CCR7: variants seen among roughly 807,000 people sequenced by gnomAD.
CCR7 encodes the protein C-C motif chemokine receptor 7, also known as C-C chemokine receptor type 7.
In CCR7, 11 loss-of-function variants were observed where a neutral mutation model predicts 26.0. That is an observed-to-expected ratio of 0.42 (90% confidence interval 0.27 to 0.70). CCR7 has a LOEUF of 0.70. CCR7 is among the 30% of genes least tolerant of loss of function. CCR7 has a pLI of 0.23. For synonymous variants in CCR7, 189 were observed against 202.1 expected, an observed-to-expected ratio of 0.94 and a Z score of 0.55; for missense variants, 360 against 504.0, an observed-to-expected ratio of 0.71 and a Z score of 2.74.
At chr17:40,559,153 C>A (rs2036626649) in intron 1 of CCR7, among the ~76,000 whole-genome samples, 1 of 152,214 alleles carries the variant, frequency 6.6e-6, no homozygotes, top group Admixed American at 6.5e-5. Context: ...TGTCCTCCTC[C>A]ACTCCCAGGT....
Position 40,565,405 on chromosome 17 carries a change from TC to T in CCR7, c.4del (p.Asp2ThrfsTer6). The T allele has an allele frequency of 2.5e-6, 4 of 1,613,484 alleles. No homozygotes were observed. The highest frequency in any genetic ancestry group is 3.4e-6 in the Non-Finnish European group (4 of 1,179,442). On this transcript the variant is annotated frameshift_variant, in exon 1 of 3. Coordinates refer to ENST00000246657, the MANE Select transcript of CCR7 (RefSeq NM_001838.4). LOFTEE classifies it high-confidence loss of function. Reference sequence around the variant, plus strand: ...ACATGAAGAGGCTCACTCACCCAGGTCCATGACGCTCTCTGGGCGGTAAAAC... The same window carrying T: ...ACATGAAGAGGCTCACTCACCCAGGTCATGACGCTCTCTGGGCGGTAAAAC... M[D>X]LGKPMKSVLV... is the part of the protein sequence containing the mutation.
At position 40,559,021 on chromosome 17, in the gene CCR7, C is replaced by A. The variant is rs561365689; in HGVS notation, c.11-79G>T. 111 of 1,211,730 alleles carry A rather than the reference C, an allele frequency of 9.2e-5. 1 individual carries two copies. The South Asian group carries it at 1.5e-3, about 16-fold the overall frequency. 75.1% of individuals were successfully genotyped at this position (1,211,730 alleles called of 1,614,324 possible). A position where few individuals can be genotyped will look rare whatever the true frequency, so the allele number is the denominator to read the frequency against. ...TTAAAGAAAGCAGTGGAGGGGGAGA[C>A]GCTGTTGGGAACTTTCCTCCCAAGC... On this transcript the variant is annotated intron_variant, in intron 1 of 2. Transcript: ENST00000246657.
At chr17:40,560,386 C>T (rs1206328501) in intron 1 of CCR7, among the ~76,000 whole-genome samples, 9 of 152,176 alleles carry the variant, frequency 5.9e-5, no homozygotes, top group Admixed American at 5.9e-4. Context: ...GTTTAAGGCA[C>T]CTTCTCCTGG....
At position 40,555,779 on chromosome 17, in the gene CCR7, C is replaced by T; in HGVS notation, c.100G>A (p.Gly34Arg). Residue 34 changes from glycine to arginine, a missense_variant, in exon 3 of 3, where the codon GGA (glycine) becomes AGA (arginine). By Grantham distance (125) the Gly-to-Arg change is moderately radical (BLOSUM62 -2). Coordinates refer to ENST00000246657, the MANE Select transcript of CCR7 (RefSeq NM_001838.4). The surrounding 1 kb of genome is among the most constrained non-coding windows in gnomAD (Gnocchi z 5.6). ...CQDEVTDDYI[G>R]DNTTVDYTLF... ...GTGTAGTCCACTGTGGTGTTGTCTCCGATGTAATCGTCCGTGACCTCATCT... is the reference window on the plus strand; with the variant it reads ...GTGTAGTCCACTGTGGTGTTGTCTCTGATGTAATCGTCCGTGACCTCATCT... The T allele has an allele frequency of 3.7e-6, 6 of 1,614,066 alleles. No individual in the cohort carries two copies. Among genetic ancestry groups the T allele is most frequent in the East Asian group, 2.2e-5 (1 of 44,884 alleles).
intron 2 of CCR7, among the ~76,000 whole-genome samples, chr17:40,558,429 AG>A (rs1309661376): frequency 6.6e-6 from 1 of 152,114 alleles, no homozygotes; most frequent in Non-Finnish European, 1.5e-5. Flanking sequence ...ATTTCACCAA[AG>A]AAAACGGGGG....
chr17:40,555,484 A>G lies in CCR7; in HGVS notation c.395T>C (p.Ile132Thr), dbSNP rs1350685141. 7 of 1,613,868 alleles carry G rather than the reference A, an allele frequency of 4.3e-6. No homozygotes were observed. The highest frequency in any genetic ancestry group is 5.9e-6 in the Non-Finnish European group (7 of 1,180,028). Reference protein sequence around the residue: ...WVFGVHFCKLIFAIYKMSFFS... With the variant: ...WVFGVHFCKLTFAIYKMSFFS... ...GAAGCTCATCTTGTAGATGGCAAAG[A>G]TGAGCTTGCAAAAGTGGACACCGAA... The change falls in exon 3 of 3, where the codon ATC becomes ACC. Residue 132 changes from isoleucine (I) to threonine (T), a missense_variant. Ile to Thr is a moderately conservative substitution (Grantham distance 89). Coordinates refer to ENST00000246657, the MANE Select transcript of CCR7 (RefSeq NM_001838.4). This position sits in a 1 kb window ranked among gnomAD's most constrained non-coding sequence, Gnocchi z 5.6.
intron 1 of CCR7, among the ~76,000 whole-genome samples, 191 bp from the exon 2 acceptor site, chr17:40,559,133 ACCT>A (rs1336026882): frequency 6.6e-6 from 1 of 151,912 alleles, no homozygotes; most frequent in Non-Finnish European, 1.5e-5. Flanking sequence ...CACTGTCCTC[ACCT>A]CCTTCTTGTC....
intron 2 of CCR7, among the ~76,000 whole-genome samples, chr17:40,557,559 G>A (rs2036604779): frequency 2.0e-5 from 3 of 152,154 alleles, no homozygotes; most frequent in Admixed American, 1.3e-4. Context: ...CCCTTTCCTG[G>A]GCATGGCTGC....
chr17:40,564,990 C>T (rs2036693811), intron 1 of CCR7, among the ~76,000 whole-genome samples: 1 of 152,254 alleles, frequency 6.6e-6, no homozygotes, highest in Middle Eastern at 3.4e-3. Context: ...GGTAAAAGGT[C>T]CTAAGCTCTC....
Position 40,554,795 on chromosome 17 carries a change from G to C in CCR7, c.1084C>G (p.Arg362Gly). 1.2e-6 allele frequency: 2 copies of C among 1,614,076 alleles called. No homozygotes were observed. Among genetic ancestry groups the C allele is most frequent in the Non-Finnish European group, 1.7e-6 (2 of 1,179,980 alleles). ...LRQWSSCRHIRRSSMSVEAET... is the reference protein window; with the variant it reads ...LRQWSSCRHIGRSSMSVEAET... ...GCCTCCACACTCATGGAGGAGCGCCGGATGTGCCGACAGGAAGACCACTGC... is the reference window on the plus strand; with the variant it reads ...GCCTCCACACTCATGGAGGAGCGCCCGATGTGCCGACAGGAAGACCACTGC... Residue 362 changes from arginine to glycine, a missense_variant, in exon 3 of 3, where the codon CGG becomes GGG. Coordinates refer to ENST00000246657, the MANE Select transcript of CCR7 (RefSeq NM_001838.4).
Position 40,555,606 on chromosome 17 carries a change from G to A in CCR7, c.273C>T (p.Thr91=), listed in dbSNP as rs962555752. 3.7e-6 allele frequency: 6 copies of A among 1,614,012 alleles called. No individual in the cohort carries two copies. In the African/African-American group the frequency reaches 8.0e-5, roughly 22 times the overall value. Residue 91 remains threonine (T), a synonymous_variant, in exon 3 of 3, where the codon ACC becomes ACT. Coordinates refer to ENST00000246657, the MANE Select transcript of CCR7 (RefSeq NM_001838.4). This position sits in a 1 kb window ranked among gnomAD's most constrained non-coding sequence, Gnocchi z 5.6. ...GGTTGAGCAGGTAGGTATCGGTCAT[G>A]GTCTTGAGCCTCTTGAAATAGATAT... ...LTYIYFKRLK[T]MTDTYLLNLA... is the part of the protein sequence containing the mutation.
At chr17:40,561,797 C>CTT (rs1029900824) in intron 1 of CCR7, among the ~76,000 whole-genome samples, 37 of 151,344 alleles carry the variant, frequency 2.4e-4, no homozygotes, top group African/African-American at 8.7e-4. Flanking sequence ...CTCTCTCTCT[C>CTT]TTTTTTTTTG....
At chr17:40,562,167 CCTT>C (rs2036662309) in intron 1 of CCR7, among the ~76,000 whole-genome samples, 1 of 152,212 alleles carries the variant, frequency 6.6e-6, no homozygotes, top group African/African-American at 2.4e-5. Context: ...TCCTAACCAT[CCTT>C]CTGTGCGGCC....
Position 40,555,136 on chromosome 17 carries a change from C to A in CCR7, c.743G>T (p.Arg248Leu), listed in dbSNP as rs760394768. ...AAAGTTGCGTGCCTGGAGCAGGGTGCGGATGATGACAAGGTAACAGAAGCT... is the reference window on the plus strand; with the variant it reads ...AAAGTTGCGTGCCTGGAGCAGGGTGAGGATGATGACAAGGTAACAGAAGCT... ...AMSFCYLVIIRTLLQARNFER... is the reference protein window; with the variant it reads ...AMSFCYLVIILTLLQARNFER... The change falls in exon 3 of 3, where the codon CGC (arginine) becomes CTC (leucine). Residue 248 changes from arginine to leucine, a missense_variant. Coordinates refer to ENST00000246657, the MANE Select transcript of CCR7 (RefSeq NM_001838.4). The surrounding 1 kb of genome is among the most constrained non-coding windows in gnomAD (Gnocchi z 5.6). The A allele has an allele frequency of 2.1e-5, 34 of 1,614,086 alleles. No individual in the cohort carries two copies. The South Asian group carries it at 3.2e-4, about 15-fold the overall frequency.
rs1267998736 is a variant in CCR7 at position 40,555,140 on chromosome 17, T to C, written c.739A>G (p.Ile247Val). The C allele has an allele frequency of 1.9e-6, 3 of 1,613,962 alleles. No individual in the cohort carries two copies. The highest frequency in any genetic ancestry group is 1.7e-5 in the Admixed American group (1 of 59,994). Residue 247 changes from isoleucine (I) to valine (V), a missense_variant, in exon 3 of 3, where the codon ATC becomes GTC. Physicochemically the swap from Ile to Val is conservative, Grantham distance 29. Coordinates refer to ENST00000246657, the MANE Select transcript of CCR7 (RefSeq NM_001838.4). This position sits in a 1 kb window ranked among gnomAD's most constrained non-coding sequence, Gnocchi z 5.6. ...TTGCGTGCCTGGAGCAGGGTGCGGA[T>C]GATGACAAGGTAACAGAAGCTCATG... ...LAMSFCYLVIIRTLLQARNFE... is the reference protein window; with the variant it reads ...LAMSFCYLVIVRTLLQARNFE...
chr17:40,557,011 C>T (rs1186708093), intron 2 of CCR7, among the ~76,000 whole-genome samples: 2 of 152,130 alleles, frequency 1.3e-5, no homozygotes. Context: ...GGGGTGGGGG[C>T]GAGGACTCCT....
intron 1 of CCR7, among the ~76,000 whole-genome samples, chr17:40,565,151 C>T (rs1597726218): frequency 6.6e-6 from 1 of 152,128 alleles, no homozygotes; most frequent in African/African-American, 2.4e-5. Context: ...ATGATCTCGG[C>T]CCCTCCCTTG....
rs560928483 is a variant in CCR7, at chr17:40,557,918, GC to G, written c.60+974del. Among the ~76,000 whole-genome samples, 4 of 152,276 alleles carry G rather than the reference GC, an allele frequency of 2.6e-5. No individual in the cohort carries two copies. The South Asian group carries it at 6.2e-4, about 24-fold the overall frequency. ...TCCAGCCTCCACTGCCAGCAATACAGCCCCCCAGAGTCCTGGAGACAGGGGA... is the reference window on the plus strand; with the variant it reads ...TCCAGCCTCCACTGCCAGCAATACAGCCCCCAGAGTCCTGGAGACAGGGGA... On this transcript the variant is annotated intron_variant, in intron 2 of 2. Transcript: ENST00000246657.
At chr17:40,558,087 C>T (rs1317771210) in intron 2 of CCR7, among the ~76,000 whole-genome samples, 1 of 152,256 alleles carries the variant, frequency 6.6e-6, no homozygotes, top group Non-Finnish European at 1.5e-5. Flanking sequence ...AGCTGCCCCT[C>T]TGGCCTCCAG....
Sources: gnomAD v4.1 joint callset for allele counts (sites outside exome capture counted in the v4.1 genomes callset) on GRCh38, gnomAD v4.1.1 for gene constraint, Gnocchi (gnomAD v3.1) non-coding constraint, MANE v1.5 for transcripts, NCBI Gene and HGNC (gene_info 2026-07-23, HGNC 2026-07-21) for gene names.